The following PTPRN2 variants were observed in gnomAD, a reference collection of about 807,000 sequenced individuals.
PTPRN2 encodes receptor-type tyrosine-protein phosphatase N2.
Under a neutral mutation model 118.8 loss-of-function variants are expected in PTPRN2, and 74 were observed. That is an observed-to-expected ratio of 0.62 (90% CI 0.52 to 0.76). The LOEUF (loss-of-function observed/expected upper bound fraction) is 0.76, where lower values mean the gene tolerates loss of function less well. Ranked by LOEUF, PTPRN2 falls within the 30% of genes least tolerant of loss-of-function variation. PTPRN2 has a pLI of 0.00. For synonymous variants in PTPRN2, 641 were observed against 608.0 expected (o/e 1.05, Z -0.80); for missense variants, 1,481 against 1,394.4 (o/e 1.06, Z -0.99).
At chr7:158,583,035 G>T (rs1828714502) in intron 1 of PTPRN2, among the ~76,000 whole-genome samples, 1 of 152,162 alleles carries the variant, frequency 6.6e-6, no homozygotes, top group African/African-American at 2.4e-5. Flanking sequence ...ATGAGACCAT[G>T]TCTGATGACA....
chr7:157,691,448 T>C (rs1797493513), intron 12 of PTPRN2, among the ~76,000 whole-genome samples: 1 of 152,028 alleles, frequency 6.6e-6, no homozygotes, highest in Non-Finnish European at 1.5e-5. Context: ...CCTTTCCAAA[T>C]GGAAGCAGGC....
At chr7:158,013,148 C>G (rs970741779) in intron 11 of PTPRN2, among the ~76,000 whole-genome samples, 1 of 152,152 alleles carries the variant, frequency 6.6e-6, no homozygotes, top group Non-Finnish European at 1.5e-5. Flanking sequence ...ATGTTACCCC[C>G]TCAAGCTTAG....
intron 15 of PTPRN2, among the ~76,000 whole-genome samples, chr7:157,613,816 G>C (rs940124053): frequency 2.6e-5 from 4 of 152,164 alleles, no homozygotes; most frequent in Admixed American, 2.6e-4. Flanking sequence ...CAGGGGTCCC[G>C]AGGGCACCCC....
intron 2 of PTPRN2, among the ~76,000 whole-genome samples, chr7:158,395,242 C>A (rs11772674): frequency 0.44 from 64,450 of 147,078 alleles, 14,792 homozygotes; most frequent in Non-Finnish European, 0.5. Context: ...CGACCTGAAT[C>A]CCCCGTGCGG....
intron 14 of PTPRN2, among the ~76,000 whole-genome samples, chr7:157,649,015 T>C (rs1455449857): frequency 2.1e-5 from 3 of 141,194 alleles, no homozygotes; most frequent in African/African-American, 5.3e-5. Flanking sequence ...GTCGGATCCA[T>C]TCACTGTGCA....
At chr7:158,289,141 C>T (rs1355191390) in intron 3 of PTPRN2, among the ~76,000 whole-genome samples, 1 of 152,124 alleles carries the variant, frequency 6.6e-6, no homozygotes, top group African/African-American at 2.4e-5. Flanking sequence ...TATAATATAT[C>T]TCAGTATAGT....
chr7:158,424,792 C>T (rs1443319483), intron 2 of PTPRN2, among the ~76,000 whole-genome samples: 1 of 152,050 alleles, frequency 6.6e-6, no homozygotes, highest in African/African-American at 2.4e-5. Flanking sequence ...ATCTCCCACG[C>T]CAGGTGTGCT....
At chr7:158,456,248 G>T (rs561401425) in intron 2 of PTPRN2, among the ~76,000 whole-genome samples, 1 of 146,406 alleles carries the variant, frequency 6.8e-6, no homozygotes, top group Middle Eastern at 3.6e-3. Flanking sequence ...AGAACGTAAC[G>T]GCACGGATGC....
At chr7:157,941,482 C>T (rs1231561020) in intron 11 of PTPRN2, among the ~76,000 whole-genome samples, 1 of 150,332 alleles carries the variant, frequency 6.7e-6, no homozygotes, top group Non-Finnish European at 1.5e-5. Context: ...CCCCTCCCCC[C>T]TCCGTGACAC....
chr7:157,640,965 G>T (rs1306174358), intron 14 of PTPRN2, among the ~76,000 whole-genome samples: 1 of 152,230 alleles, frequency 6.6e-6, no homozygotes, highest in African/African-American at 2.4e-5. Context: ...ATGGTGATGG[G>T]GGGAGAGGGG....
rs778779788 is a variant in PTPRN2 at position 158,525,556 on chromosome 7, A to T, written c.113-35771T>A. Among the ~76,000 whole-genome samples the T allele has an allele frequency of 2.0e-5, 3 of 152,220 alleles. No individual in the cohort carries two copies. Among genetic ancestry groups the T allele is most frequent in the Non-Finnish European group, 2.9e-5 (2 of 68,022 alleles). ...CCTCCCTGGCCCAGAACAGGCGCTC[A>T]CTGTATCTCCTCCCTTCCTCCTGAG... On this transcript the variant is annotated intron_variant, in intron 1 of 22. Transcript: ENST00000389418. The surrounding 1 kb of genome is among the most constrained non-coding windows in gnomAD (Gnocchi z 4.1).
intron 11 of PTPRN2, among the ~76,000 whole-genome samples, chr7:158,073,331 G>A (rs571887670): frequency 3.2e-4 from 48 of 152,334 alleles, no homozygotes; most frequent in African/African-American, 1.0e-3. Flanking sequence ...GGAGCATGGT[G>A]GGCACCTGTG....
chr7:157,840,996 C>G (rs73513282), intron 12 of PTPRN2, among the ~76,000 whole-genome samples: 13,553 of 152,324 alleles, frequency 0.089, 1,756 homozygotes, highest in African/African-American at 0.28. Flanking sequence ...GCAGGGCAAC[C>G]TGCAATTCAC....
At chr7:157,749,847 G>T (rs1303019137) in intron 12 of PTPRN2, among the ~76,000 whole-genome samples, 1 of 143,796 alleles carries the variant, frequency 7.0e-6, no homozygotes, top group Non-Finnish European at 1.5e-5. Flanking sequence ...TGAGCTGTGG[G>T]CTGTTGAGGT....
At chr7:158,248,053 G>T (rs1269802919) in intron 3 of PTPRN2, among the ~76,000 whole-genome samples, 2 of 152,168 alleles carry the variant, frequency 1.3e-5, no homozygotes, top group Admixed American at 6.5e-5. Flanking sequence ...TCGTTTCTGA[G>T]GGTAAAGAAT....
At chr7:158,328,637 C>A (rs757243169) in intron 2 of PTPRN2, among the ~76,000 whole-genome samples, 1 of 151,980 alleles carries the variant, frequency 6.6e-6, no homozygotes, top group African/African-American at 2.4e-5. Context: ...GGCCCCCATT[C>A]CTCCCACCAC....
At chr7:158,220,747 AG>A (rs1828295812) in intron 3 of PTPRN2, among the ~76,000 whole-genome samples, 1 of 152,146 alleles carries the variant, frequency 6.6e-6, no homozygotes, top group Admixed American at 6.5e-5. Flanking sequence ...GCTCATGGAT[AG>A]GAAGAATCAA....
intron 12 of PTPRN2, among the ~76,000 whole-genome samples, chr7:157,846,336 A>T (rs898227377): frequency 7.2e-5 from 11 of 152,194 alleles, no homozygotes; most frequent in African/African-American, 2.7e-4. Flanking sequence ...ACCTAAGAAC[A>T]GTCCGTTTCT....
In PTPRN2 at chr7:158,526,690, C is replaced by G. The variant is rs1340317668; in HGVS notation, c.113-36905G>C. ...CGAGGTCGCCGGATGGGCCCGGATC[C>G]AGGCTGACTGGGTCCTTATGGAGGA... On this transcript the variant is annotated intron_variant, in intron 1 of 22. Coordinates refer to ENST00000389418, the MANE Select transcript of PTPRN2 (RefSeq NM_002847.5). This position sits in a 1 kb window ranked among gnomAD's most constrained non-coding sequence, Gnocchi z 5.2. 6.6e-6 allele frequency among the ~76,000 whole-genome samples: 1 copy of G among 152,098 alleles called. No individual in the cohort carries two copies. Among genetic ancestry groups the G allele is most frequent in the Admixed American group, 6.5e-5 (1 of 15,276 alleles).
Sources: allele counts gnomAD v4.1 joint callset (sites outside exome capture counted in the v4.1 genomes callset), GRCh38; gene constraint gnomAD v4.1.1; non-coding constraint Gnocchi (gnomAD v3.1); transcripts MANE v1.5; gene names NCBI Gene and HGNC (gene_info 2026-07-23, HGNC 2026-07-21).